Variants in UNC13C observed in about 807,000 individuals in gnomAD.
UNC13C encodes protein unc-13 homolog C.
Under a neutral mutation model 245.4 loss-of-function variants are expected in UNC13C, and 174 were observed. The ratio of observed to expected loss-of-function variants is 0.71; its 90% CI spans 0.63 to 0.80. The LOEUF (loss-of-function observed/expected upper bound fraction) is 0.80. Among genes scored for constraint, UNC13C ranks in the 30% least tolerant of loss-of-function variants. The pLI, the probability that UNC13C is intolerant of heterozygous loss-of-function variation, is 0.00. For synonymous variants in UNC13C, 992 were observed against 895.1 expected, an observed-to-expected ratio of 1.11 and a Z score of -1.93; for missense variants, 2,829 against 2,602.9, an observed-to-expected ratio of 1.09 and a Z score of -1.89.
chr15:54,084,890 A>G (rs747191795), intron 2 of UNC13C, among the ~76,000 whole-genome samples: 6 of 152,184 alleles, frequency 3.9e-5, no homozygotes, highest in Non-Finnish European at 8.8e-5. Flanking sequence ...AAGAAAAATG[A>G]TCTTTATTTT....
At chr15:54,339,075 C>A (rs918971150) in intron 17 of UNC13C, among the ~76,000 whole-genome samples, 1 of 152,054 alleles carries the variant, frequency 6.6e-6, no homozygotes, top group African/African-American at 2.4e-5. Flanking sequence ...TCCATGTTGG[C>A]CAGGCTGGTC....
chr15:54,452,130 G>A (rs113364851), intron 19 of UNC13C, among the ~76,000 whole-genome samples: 1 of 152,336 alleles, frequency 6.6e-6, no homozygotes, highest in South Asian at 2.1e-4. Flanking sequence ...CATCACCTGG[G>A]TGAGTCCTCA....
At chr15:54,448,912 C>T (rs1472792182) in intron 19 of UNC13C, among the ~76,000 whole-genome samples, 1 of 152,150 alleles carries the variant, frequency 6.6e-6, no homozygotes, top group Non-Finnish European at 1.5e-5. Flanking sequence ...GTGGCTGGTA[C>T]CGGTTGTTCC....
chr15:54,393,295 A>G (rs2140917544), intron 18 of UNC13C, 114 bp downstream of exon 18: 1 of 924,044 alleles, frequency 1.1e-6, no homozygotes, highest in Non-Finnish European at 1.5e-6. Context: ...TAATTAAGCT[A>G]TAGAAAATAG....
the UNC13C span, among the ~76,000 whole-genome samples, chr15:53,950,055 C>G: frequency 6.6e-6 from 1 of 152,176 alleles, no homozygotes. Flanking sequence ...CTGTGACACT[C>G]TTACCTCAGT....
At chr15:54,574,635 C>G (rs1459979636) in intron 30 of UNC13C, among the ~76,000 whole-genome samples, 1 of 152,064 alleles carries the variant, frequency 6.6e-6, no homozygotes, top group Non-Finnish European at 1.5e-5. Context: ...AAGCTTTACA[C>G]AGAAAAGGGA....
chr15:54,135,285 G>A (rs141251953), intron 2 of UNC13C, among the ~76,000 whole-genome samples: 28 of 152,194 alleles, frequency 1.8e-4, no homozygotes, highest in African/African-American at 5.8e-4. Flanking sequence ...TTCCTTTGCT[G>A]TGCAAAAGCA....
intron 24 of UNC13C, among the ~76,000 whole-genome samples, chr15:54,516,175 A>G (rs1894966839): frequency 6.6e-6 from 1 of 152,142 alleles, no homozygotes; most frequent in South Asian, 2.1e-4. Flanking sequence ...TAGCTAAGCA[A>G]CCCTAGACCA....
At chr15:54,284,627 G>GCACA (rs71132799) in intron 10 of UNC13C, among the ~76,000 whole-genome samples, 1,731 of 150,962 alleles carry the variant, frequency 0.011, 35 homozygotes, top group African/African-American at 0.036. Flanking sequence ...GCACACTTGT[G>GCACA]CACACACACA....
chr15:53,860,865 T>C, the UNC13C span, among the ~76,000 whole-genome samples: 2,615 of 152,292 alleles, frequency 0.017, 53 homozygotes, highest in East Asian at 0.08. Flanking sequence ...ATGCATCTTC[T>C]TGAAGAGGAG....
chr15:54,249,580 C>T (rs1227180851), intron 7 of UNC13C, among the ~76,000 whole-genome samples: 2 of 152,138 alleles, frequency 1.3e-5, no homozygotes, highest in African/African-American at 2.4e-5. Flanking sequence ...ACTCAGATCT[C>T]CTACCTACTT....
chr15:54,426,295 A>G (rs1259339739), intron 19 of UNC13C, among the ~76,000 whole-genome samples: 1 of 149,152 alleles, frequency 6.7e-6, no homozygotes. Context: ...TGAAAGTTCA[A>G]CTGGTGAAGG....
At chr15:53,924,995 T>C in the UNC13C span, among the ~76,000 whole-genome samples, 1 of 152,202 alleles carries the variant, frequency 6.6e-6, no homozygotes, top group Non-Finnish European at 1.5e-5. Context: ...AAGCTATCAA[T>C]AGAAAATTGT....
intron 28 of UNC13C, among the ~76,000 whole-genome samples, chr15:54,550,798 T>C (rs1446762414): frequency 1.3e-5 from 2 of 152,198 alleles, no homozygotes; most frequent in South Asian, 2.1e-4. Context: ...TCTGTATCCC[T>C]TTTATTACCT....
At chr15:54,487,220 T>A (rs554110330) in intron 19 of UNC13C, among the ~76,000 whole-genome samples, 22 of 152,170 alleles carry the variant, frequency 1.4e-4, no homozygotes, top group Non-Finnish European at 1.9e-4. Flanking sequence ...GGGTTTCTGC[T>A]GAGGAATTGT....
chr15:54,132,074 C>CTTTTTTTTTCTTTTTCTTTTTTTCTT (rs6145565), intron 2 of UNC13C, among the ~76,000 whole-genome samples: 6,221 of 110,576 alleles, frequency 0.056, 647 homozygotes, highest in African/African-American at 0.19. Flanking sequence ...TTTTCTTTTT[C>CTTTTTTTTTCTTTTTCTTTTTTTCTT]TTTTTTTTTT....
intron 2 of UNC13C, among the ~76,000 whole-genome samples, chr15:54,086,051 C>A (rs987713463): frequency 6.6e-6 from 1 of 152,162 alleles, no homozygotes; most frequent in Non-Finnish European, 1.5e-5. Context: ...TCACCTCAAA[C>A]ATAGCATGTC....
chr15:54,056,252 G>A (rs1897515275), intron 2 of UNC13C, among the ~76,000 whole-genome samples: 1 of 152,124 alleles, frequency 6.6e-6, no homozygotes, highest in African/African-American at 2.4e-5. Context: ...AACCAATGCA[G>A]AGAAGTCCTT....
chr15:54,258,281 A>T (rs570374083), intron 8 of UNC13C, among the ~76,000 whole-genome samples: 3 of 152,252 alleles, frequency 2.0e-5, no homozygotes, highest in African/African-American at 7.2e-5. Context: ...TACTGCAGAC[A>T]CCGTCCGCGT....
Sources: allele counts gnomAD v4.1 joint callset (sites outside exome capture counted in the v4.1 genomes callset), GRCh38; gene constraint gnomAD v4.1.1; transcripts MANE v1.5; gene names NCBI Gene and HGNC (gene_info 2026-07-23, HGNC 2026-07-21).